The following GLIS3 variants were observed in gnomAD, a reference collection of about 807,000 sequenced individuals.
The protein encoded by GLIS3 is zinc finger protein GLIS3.
GLIS3 carries 53 observed loss-of-function variants against 78.6 expected under a neutral mutation model. The ratio of observed to expected loss-of-function variants is 0.67; its 90% CI spans 0.54 to 0.85. The LOEUF is 0.85. Ranked by LOEUF, GLIS3 falls within the 40% of genes least tolerant of loss-of-function variation. The pLI is 0.00. For missense variants in GLIS3, 1,703 were observed against 1,231.1 expected (o/e 1.38, Z -5.74); for synonymous variants, 684 against 509.9 (o/e 1.34, Z -4.60).
chr9:4,106,452 G>T (rs746233850), intron 4 of GLIS3, among the ~76,000 whole-genome samples: 19 of 152,138 alleles, frequency 1.2e-4, no homozygotes, highest in Non-Finnish European at 4.4e-5. Flanking sequence ...ATTGCATGAT[G>T]TTTACAATTT....
the GLIS3 span, among the ~76,000 whole-genome samples, chr9:4,398,496 T>A: frequency 1.3e-5 from 2 of 151,930 alleles, no homozygotes; most frequent in Non-Finnish European, 2.9e-5. Context: ...GGACATTGCA[T>A]TGAGGGGGTG....
At chr9:4,114,340 A>T (rs1206874989) in intron 4 of GLIS3, among the ~76,000 whole-genome samples, 1 of 152,188 alleles carries the variant, frequency 6.6e-6, no homozygotes, top group East Asian at 1.9e-4. Context: ...GGATATTGTT[A>T]GGGATGATTA....
intron 4 of GLIS3, among the ~76,000 whole-genome samples, chr9:4,028,476 T>C (rs989378601): frequency 6.6e-6 from 1 of 152,200 alleles, no homozygotes; most frequent in Non-Finnish European, 1.5e-5. Context: ...GCTTTTCTCT[T>C]TTCATTTTTC....
chr9:4,285,651 G>C (rs983647300), intron 2 of GLIS3: 5 of 201,686 alleles, frequency 2.5e-5, no homozygotes, highest in African/African-American at 4.5e-5. Context: ...GTTCCAGTCG[G>C]TCTTCTTGTC....
intron 2 of GLIS3, among the ~76,000 whole-genome samples, chr9:4,267,176 G>C (rs1826093167): frequency 6.6e-6 from 1 of 152,042 alleles, no homozygotes; most frequent in African/African-American, 2.4e-5. Context: ...TAACCTTATA[G>C]GGTTTCCTAA....
At position 4,032,390 on chromosome 9, in the gene GLIS3, T is replaced by C. The variant is rs371314889; in HGVS notation, c.1710+85378A>G. Among the ~76,000 whole-genome samples the C allele has an allele frequency of 3.1e-3, 471 of 152,282 alleles. 4 individuals are homozygous for C. The highest frequency in any genetic ancestry group is 0.011 in the African/African-American group (437 of 41,562). On this transcript the variant is annotated intron_variant, in intron 4 of 10. Transcript: ENST00000381971. ...CAACTTTCACAGAAGTCTATAAAAA[T>C]TACAAAATGCAAAAGCATATCATCT...
intron 2 of GLIS3, among the ~76,000 whole-genome samples, chr9:4,275,324 TGA>T (rs1311677328): frequency 2.6e-5 from 4 of 152,188 alleles, no homozygotes; most frequent in Admixed American, 1.3e-4. Context: ...CTGAATGGTT[TGA>T]GTTTTTAAAA....
chr9:4,422,448 G>A, the GLIS3 span, among the ~76,000 whole-genome samples: 186 of 152,306 alleles, frequency 1.2e-3, 1 homozygote, highest in African/African-American at 4.4e-3. Context: ...AAGAAGACAT[G>A]GTTTCCCCAG....
chr9:3,989,330 AAC>A (rs1426267206), intron 4 of GLIS3, among the ~76,000 whole-genome samples: 1 of 152,220 alleles, frequency 6.6e-6, no homozygotes, highest in Non-Finnish European at 1.5e-5. Flanking sequence ...CACTCTGGAA[AAC>A]AGTTTTCTTA....
At chr9:4,101,435 T>C (rs1830362506) in intron 4 of GLIS3, among the ~76,000 whole-genome samples, 1 of 152,196 alleles carries the variant, frequency 6.6e-6, no homozygotes, top group Non-Finnish European at 1.5e-5. Context: ...GTGGGATATT[T>C]ATTATTCTGT....
intron 2 of GLIS3, among the ~76,000 whole-genome samples, chr9:4,209,456 G>A (rs911653176): frequency 6.6e-6 from 1 of 152,138 alleles, no homozygotes; most frequent in Non-Finnish European, 1.5e-5. Context: ...CCTACTCCAG[G>A]TGGCAAGAGC....
rs538277674 is a variant in GLIS3 at position 4,206,393 on chromosome 9, C to G, written c.388+79645G>C. ...GCAGTATATGAAGACTGCCTAACAT[C>G]TAACCTTGAAAGAGGCTTATTTTCT... On this transcript the variant is annotated intron_variant, in intron 2 of 10. Coordinates refer to ENST00000381971, the MANE Select transcript of GLIS3 (RefSeq NM_001042413.2). Among the ~76,000 whole-genome samples the G allele has an allele frequency of 2.0e-5, 3 of 152,362 alleles. No homozygotes were observed. The South Asian group carries it at 6.2e-4, about 32-fold the overall frequency.
chr9:4,087,433 T>C (rs1453570335), intron 4 of GLIS3, among the ~76,000 whole-genome samples: 5 of 152,292 alleles, frequency 3.3e-5, no homozygotes, highest in East Asian at 3.9e-4. Context: ...TCTGAAATGA[T>C]AGCCTCATAA....
intron 4 of GLIS3, among the ~76,000 whole-genome samples, chr9:4,008,711 C>T (rs1821753629): frequency 6.6e-6 from 1 of 152,132 alleles, no homozygotes. Flanking sequence ...TAAAAAGAGC[C>T]ACAGGCTGGG....
intron 6 of GLIS3, among the ~76,000 whole-genome samples, chr9:3,914,449 GAGCCT>G (rs1315548821): frequency 6.6e-6 from 1 of 151,586 alleles, no homozygotes; most frequent in African/African-American, 2.4e-5. Flanking sequence ...TTATAGGCAT[GAGCCT>G]CTGCGCCCAG....
At chr9:3,857,125 CAG>C (rs1819847049) in intron 8 of GLIS3, among the ~76,000 whole-genome samples, 1 of 152,170 alleles carries the variant, frequency 6.6e-6, no homozygotes, top group South Asian at 2.1e-4. Context: ...AGGGGACTGA[CAG>C]AATATAGGGG....
At chr9:4,027,459 C>G (rs1208535710) in intron 4 of GLIS3, among the ~76,000 whole-genome samples, 1 of 152,192 alleles carries the variant, frequency 6.6e-6, no homozygotes, top group African/African-American at 2.4e-5. Flanking sequence ...TCAAAATGCA[C>G]TGTAAAATTA....
At chr9:4,127,385 T>C (rs901078754) in intron 2 of GLIS3, among the ~76,000 whole-genome samples, 1 of 152,202 alleles carries the variant, frequency 6.6e-6, no homozygotes, top group Non-Finnish European at 1.5e-5. Flanking sequence ...CTGATTTTCT[T>C]TCCCAGATAC....
At chr9:3,898,236 A>C (rs1295013496) in intron 7 of GLIS3, 1 of 236,842 alleles carries the variant, frequency 4.2e-6, no homozygotes, top group Non-Finnish European at 8.4e-6. Flanking sequence ...TGGTTGGCAA[A>C]CATGAATGAA....
Sources: gnomAD v4.1 joint callset for allele counts (sites outside exome capture counted in the v4.1 genomes callset) on GRCh38, gnomAD v4.1.1 for gene constraint, MANE v1.5 for transcripts, NCBI Gene and HGNC (gene_info 2026-07-23, HGNC 2026-07-21) for gene names.